Variants in CPEB4 observed in about 807,000 individuals in gnomAD.
The protein encoded by CPEB4 is cytoplasmic polyadenylation element binding protein 4.
A neutral mutation model predicts 72.5 loss-of-function variants in CPEB4; 12 were observed. That is an observed-to-expected ratio of 0.17 (90% CI 0.11 to 0.27). The LOEUF (loss-of-function observed/expected upper bound fraction) is 0.27, where lower values mean the gene tolerates loss of function less well. Ranked by LOEUF, CPEB4 falls within the 10% of genes least tolerant of loss-of-function variation. CPEB4 has a pLI of 1.00. For missense variants in CPEB4, 614 were observed against 908.5 expected (o/e 0.68, Z 4.17); for synonymous variants, 302 against 326.3 (o/e 0.93, Z 0.80).
chr5:173,911,904 T>A (rs1756678848), intron 2 of CPEB4, among the ~76,000 whole-genome samples: 1 of 152,132 alleles, frequency 6.6e-6, no homozygotes, highest in African/African-American at 2.4e-5. Flanking sequence ...CTAGTTTCCC[T>A]TTGAGTTTGG....
At chr5:173,942,875 T>G (rs1009721673) in intron 3 of CPEB4, 151 bp from the exon 4 acceptor site, 10 of 737,136 alleles carry the variant, frequency 1.4e-5, no homozygotes, top group South Asian at 2.4e-5. Flanking sequence ...CCGTTCCTTG[T>G]TTTTTTAGAC....
chr5:173,948,935 A>G (rs1469841042), intron 5 of CPEB4, among the ~76,000 whole-genome samples: 1 of 152,172 alleles, frequency 6.6e-6, no homozygotes, highest in Admixed American at 6.5e-5. Context: ...ACATTGGGGA[A>G]TAGGTTTCAA....
rs773703556 is a variant in CPEB4, at chr5:173,954,698, T to C, written c.1963-1212T>C. On this transcript the variant is annotated intron_variant, in intron 9 of 9. Transcript: ENST00000265085. ...GGCCTACTTGGTTTTTTATGCACAC[T>C]AAAAAATACCTACATCTCACTGCCT... Among the ~76,000 whole-genome samples the C allele has an allele frequency of 3.9e-5, 6 of 152,098 alleles. No homozygotes were observed. The South Asian group carries it at 8.3e-4, about 21-fold the overall frequency.
chr5:173,905,009 AT>A (rs1561608846), intron 1 of CPEB4, among the ~76,000 whole-genome samples: 28 of 126,110 alleles, frequency 2.2e-4, no homozygotes, highest in Non-Finnish European at 1.5e-4. Context: ...AATAATAATA[AT>A]AATAATAAAA....
At chr5:173,911,210 G>C (rs1044570052) in intron 2 of CPEB4, among the ~76,000 whole-genome samples, 12 of 151,758 alleles carry the variant, frequency 7.9e-5, no homozygotes, top group African/African-American at 2.4e-4. Flanking sequence ...AATTACCCGG[G>C]TGCTTTAAAA....
chr5:173,930,172 A>G (rs1757393800), intron 2 of CPEB4, among the ~76,000 whole-genome samples: 2 of 151,962 alleles, frequency 1.3e-5, no homozygotes, highest in African/African-American at 2.4e-5. Flanking sequence ...CTCCTGCCTC[A>G]GCCTCCCCAG....
intron 5 of CPEB4, among the ~76,000 whole-genome samples, chr5:173,948,293 G>A (rs761698747): frequency 3.9e-5 from 6 of 152,182 alleles, no homozygotes; most frequent in Non-Finnish European, 5.9e-5. Context: ...ATATTGGTGA[G>A]CAACACAATA....
chr5:173,943,328 T>C (rs903631515), intron 4 of CPEB4, among the ~76,000 whole-genome samples: 4 of 152,212 alleles, frequency 2.6e-5, no homozygotes, highest in African/African-American at 9.6e-5. Context: ...ATGTGCTTTT[T>C]TTCCTTTCTG....
intron 2 of CPEB4, among the ~76,000 whole-genome samples, chr5:173,913,015 C>T (rs2113182814): frequency 6.6e-6 from 1 of 151,672 alleles, no homozygotes; most frequent in East Asian, 1.9e-4. Context: ...AAAAGAGCTT[C>T]CCATACACTA....
At chr5:173,899,600 C>T (rs996770169) in intron 1 of CPEB4, among the ~76,000 whole-genome samples, 3 of 152,102 alleles carry the variant, frequency 2.0e-5, no homozygotes, top group Admixed American at 6.5e-5. Flanking sequence ...GAGAGTATAC[C>T]GTTTTCCTCC....
At chr5:173,921,730 A>T (rs1009781800) in intron 2 of CPEB4, among the ~76,000 whole-genome samples, 1 of 152,190 alleles carries the variant, frequency 6.6e-6, no homozygotes, top group Non-Finnish European at 1.5e-5. Context: ...CTTATATTTT[A>T]GCTTCTGCTT....
intron 2 of CPEB4, chr5:173,918,230 A>G (rs1422297761): frequency 6.6e-6 from 1 of 152,180 alleles, no homozygotes; most frequent in Non-Finnish European, 1.5e-5. Flanking sequence ...GTGCTGTAGG[A>G]TGGGACCTGG....
rs554603515 is a variant in CPEB4 at position 173,920,953 on chromosome 5, A to G, written c.1207+10349A>G. ...TATTATGTTTAGAAAACAGTTGTTT[A>G]AACTTGGCCTCGTGAAATGTTTTTG... On this transcript the variant is annotated intron_variant, in intron 2 of 9. Transcript: ENST00000265085. 6.4e-4 allele frequency among the ~76,000 whole-genome samples: 97 copies of G among 152,200 alleles called. 2 individuals are homozygous for G. Among genetic ancestry groups the G allele is most frequent in the Admixed American group, 7.9e-4 (12 of 15,276 alleles).
At position 173,907,370 on chromosome 5, in the gene CPEB4, C is replaced by T. The variant is rs1457285764; in HGVS notation, c.1126-3153C>T. Among the ~76,000 whole-genome samples the T allele has an allele frequency of 2.0e-5, 3 of 152,298 alleles. No homozygotes were observed. In the South Asian group the frequency reaches 6.2e-4, roughly 32 times the overall value. Reference sequence around the variant, plus strand: ...GCTTCTTGACTTACTGGAAATAGTTCTTATAAAACAAACCAAACAAAACCA... The same window carrying T: ...GCTTCTTGACTTACTGGAAATAGTTTTTATAAAACAAACCAAACAAAACCA... On this transcript the variant is annotated intron_variant, in intron 1 of 9. Coordinates refer to ENST00000265085, the MANE Select transcript of CPEB4 (RefSeq NM_030627.4).
At position 173,889,484 on chromosome 5, in the gene CPEB4, C is replaced by T. The variant is rs1384305794; in HGVS notation, c.-250C>T. The T allele has an allele frequency of 2.7e-6, 1 of 373,724 alleles. No homozygotes were observed. The highest frequency in any genetic ancestry group is 2.1e-5 in the African/African-American group (1 of 47,540). The allele number at this position is 373,724 out of a possible 1,614,324, so 23.2% of individuals were successfully genotyped here. A position where few individuals can be genotyped will look rare whatever the true frequency, so the allele number is the denominator to read the frequency against. The stretch of plus-strand genomic sequence containing the variant: ...TTTACCCTCTTCATTTTTATTCCCT[C>T]CTAAAAATAAGCCCAATTGGATCCA... On this transcript the variant is annotated 5_prime_UTR_variant, in exon 1 of 10. Transcript: ENST00000265085.
chr5:173,932,432 G>A lies in CPEB4; in HGVS notation c.1208-18G>A. On this transcript the variant is annotated intron_variant, in intron 2 of 9. Transcript: ENST00000265085. ...TATGAAAAAAGTAAACTTAGTAACG[G>A]CCTTCTTTTACCTTCAGGTCGTCTA... is the stretch of plus-strand genomic sequence containing the variant. 6.2e-7 allele frequency: 1 copy of A among 1,603,178 alleles called. No individual in the cohort carries two copies. Among genetic ancestry groups the A allele is most frequent in the Non-Finnish European group, 8.5e-7 (1 of 1,173,286 alleles).
intron 2 of CPEB4, among the ~76,000 whole-genome samples, chr5:173,914,239 C>A (rs1038675057): frequency 6.6e-6 from 1 of 152,112 alleles, no homozygotes; most frequent in Non-Finnish European, 1.5e-5. Context: ...GTCAAACTAT[C>A]TTCTGATTTA....
intron 7 of CPEB4, among the ~76,000 whole-genome samples, chr5:173,951,150 C>T (rs966407678): frequency 2.6e-5 from 4 of 152,264 alleles, no homozygotes; most frequent in African/African-American, 9.6e-5. Context: ...AATTTGGGAC[C>T]TCTGACCTAG....
chr5:173,890,346 CTGT>C lies in CPEB4; in HGVS notation c.618_620del (p.Leu206del), dbSNP rs1444467223. ...TGCTGCTTCGGCTAATAACGGTGCTCTGTTGTTTCAAAATTTCCCCCATCATGT... is the reference window on the plus strand; with the variant it reads ...TGCTGCTTCGGCTAATAACGGTGCTCTGTTTCAAAATTTCCCCCATCATGT... On this transcript the variant is annotated inframe_deletion, in exon 1 of 10. Transcript: ENST00000265085. 1.2e-6 allele frequency: 2 copies of C among 1,614,162 alleles called. No individual in the cohort carries two copies. The highest frequency in any genetic ancestry group is 1.1e-5 in the South Asian group (1 of 91,080).
Sources: gnomAD v4.1 joint callset for allele counts (sites outside exome capture counted in the v4.1 genomes callset) on GRCh38, gnomAD v4.1.1 for gene constraint, MANE v1.5 for transcripts, NCBI Gene and HGNC (gene_info 2026-07-23, HGNC 2026-07-21) for gene names.